SLC35F1: variants seen among roughly 807,000 people sequenced by gnomAD.
SLC35F1 encodes the protein solute carrier family 35 member F1, also known as chromosome 6 open reading frame 169.
SLC35F1 carries 14 observed loss-of-function variants against 48.7 expected under a neutral mutation model. That is an observed-to-expected ratio of 0.29 (90% CI 0.19 to 0.45). The LOEUF is 0.45. Among genes scored for constraint, SLC35F1 ranks in the 20% least tolerant of loss-of-function variants. The pLI is 1.00. For synonymous variants in SLC35F1, 190 were observed against 202.2 expected, an observed-to-expected ratio of 0.94 and a Z score of 0.51; for missense variants, 404 against 500.0, an observed-to-expected ratio of 0.81 and a Z score of 1.83.
At chr6:118,073,812 A>T (rs893967928) in intron 1 of SLC35F1, among the ~76,000 whole-genome samples, 1 of 152,202 alleles carries the variant, frequency 6.6e-6, no homozygotes, top group Non-Finnish European at 1.5e-5. Context: ...CCACCTACTG[A>T]TTTATCTAGC....
intron 1 of SLC35F1, among the ~76,000 whole-genome samples, 190 bp from the exon 2 acceptor site, chr6:118,154,255 G>T (rs1774106599): frequency 6.6e-6 from 1 of 152,120 alleles, no homozygotes; most frequent in South Asian, 2.1e-4. Context: ...CTAAGTTTTG[G>T]TTTCCTCCTC....
intron 1 of SLC35F1, among the ~76,000 whole-genome samples, chr6:118,127,654 T>C (rs1453450763): frequency 6.6e-6 from 1 of 151,778 alleles, no homozygotes; most frequent in Non-Finnish European, 1.5e-5. Context: ...TATACAAAAA[T>C]TAATTCAAGA....
intron 1 of SLC35F1, among the ~76,000 whole-genome samples, chr6:117,988,442 A>G (rs776975481): frequency 6.6e-6 from 1 of 152,228 alleles, no homozygotes; most frequent in Non-Finnish European, 1.5e-5. Flanking sequence ...ACTTTTCTTC[A>G]GAGAACACCA....
intron 1 of SLC35F1, among the ~76,000 whole-genome samples, chr6:118,010,668 G>A (rs1000758607): frequency 4.6e-5 from 7 of 152,166 alleles, no homozygotes; most frequent in African/African-American, 1.7e-4. Context: ...TTATGCTTCA[G>A]TGCTTTTATT....
chr6:118,034,720 G>A (rs938570409), intron 1 of SLC35F1, among the ~76,000 whole-genome samples: 15 of 152,128 alleles, frequency 9.9e-5, no homozygotes, highest in African/African-American at 3.6e-4. Flanking sequence ...ACCTGTGACT[G>A]TATTATAACA....
intron 1 of SLC35F1, among the ~76,000 whole-genome samples, chr6:118,047,348 G>T (rs1051143369): frequency 6.6e-6 from 1 of 152,090 alleles, no homozygotes; most frequent in Admixed American, 6.6e-5. Context: ...GGGCATTCCC[G>T]TCACAAATTT....
At chr6:117,986,239 G>A (rs1195040103) in intron 1 of SLC35F1, among the ~76,000 whole-genome samples, 1 of 152,170 alleles carries the variant, frequency 6.6e-6, no homozygotes, top group Non-Finnish European at 1.5e-5. Context: ...TGGGGCCAAT[G>A]AGCTGTGGCC....
intron 2 of SLC35F1, among the ~76,000 whole-genome samples, chr6:118,162,100 A>G (rs900801662): frequency 2.0e-5 from 3 of 152,228 alleles, no homozygotes; most frequent in Non-Finnish European, 2.9e-5. Context: ...ATTGCAAAAA[A>G]CTAAACTACC....
chr6:117,938,786 C>G (rs762040917), intron 1 of SLC35F1, among the ~76,000 whole-genome samples: 1 of 152,140 alleles, frequency 6.6e-6, no homozygotes, highest in East Asian at 1.9e-4. Flanking sequence ...GATATACGCA[C>G]ATCACAAGGT....
intron 2 of SLC35F1, 137 bp from the exon 3 acceptor site, chr6:118,235,372 G>A (rs7762823): frequency 0.53 from 479,546 of 899,726 alleles, 131,266 homozygotes; most frequent in Middle Eastern, 0.58. Context: ...TATCTGATAC[G>A]TTGATTTATT....
intron 3 of SLC35F1, among the ~76,000 whole-genome samples, chr6:118,250,745 G>A (rs1415745231): frequency 1.3e-5 from 2 of 152,068 alleles, no homozygotes; most frequent in South Asian, 2.1e-4. Context: ...AGTCCAAGGC[G>A]GGTGGATAAC....
chr6:118,026,943 A>G (rs1771961172), intron 1 of SLC35F1, among the ~76,000 whole-genome samples: 1 of 152,136 alleles, frequency 6.6e-6, no homozygotes, highest in Admixed American at 6.5e-5. Context: ...TTGTCTCTCC[A>G]AAAAGTTTTC....
At chr6:117,989,368 G>C (rs1036270998) in intron 1 of SLC35F1, among the ~76,000 whole-genome samples, 7 of 152,234 alleles carry the variant, frequency 4.6e-5, no homozygotes, top group African/African-American at 1.7e-4. Flanking sequence ...AGTGGAGGAA[G>C]TGCTTTCCAC....
Position 117,907,762 on chromosome 6 carries a change from G to C in SLC35F1, c.36G>C (p.Gln12His), listed in dbSNP as rs2114790135. ...IPPEQPQQQL[Q>H]PPSPAPPNHV... ...CTGAGCAGCCGCAGCAGCAGCTGCA[G>C]CCGCCGTCGCCAGCCCCGCCGAACC... The change falls in exon 1 of 8, where the codon CAG becomes CAC. Residue 12 changes from glutamine to histidine, a missense_variant. Coordinates refer to ENST00000360388, the MANE Select transcript of SLC35F1 (RefSeq NM_001029858.4). 6.4e-7 allele frequency: 1 copy of C among 1,559,510 alleles called. No homozygotes were observed. The highest frequency in any genetic ancestry group is 8.6e-7 in the Non-Finnish European group (1 of 1,162,264).
In SLC35F1 at chr6:118,128,753, T is replaced by C. The variant is rs567463446; in HGVS notation, c.174-25692T>C. On this transcript the variant is annotated intron_variant, in intron 1 of 7. Transcript: ENST00000360388. ...GTGCAGCACAACAGCATGGCACATGTATACATATGTAACTAACCTGCACAT... is the reference window on the plus strand; with the variant it reads ...GTGCAGCACAACAGCATGGCACATGCATACATATGTAACTAACCTGCACAT... Among the ~76,000 whole-genome samples, 320 of 151,568 alleles carry C rather than the reference T, an allele frequency of 2.1e-3. 1 individual carries two copies. Among genetic ancestry groups the C allele is most frequent in the African/African-American group, 7.3e-3 (300 of 41,340 alleles).
At chr6:118,246,604 T>G (rs1400297412) in intron 3 of SLC35F1, among the ~76,000 whole-genome samples, 1 of 152,068 alleles carries the variant, frequency 6.6e-6, no homozygotes, top group Non-Finnish European at 1.5e-5. Flanking sequence ...GCCGCTTGGT[T>G]CTCTGGTCAT....
intron 1 of SLC35F1, among the ~76,000 whole-genome samples, chr6:118,130,875 A>G (rs958408653): frequency 2.0e-5 from 3 of 152,232 alleles, no homozygotes; most frequent in African/African-American, 4.8e-5. Context: ...CCAATAAGGA[A>G]GGGAGAAATG....
At chr6:117,931,637 A>G (rs1036812657) in intron 1 of SLC35F1, among the ~76,000 whole-genome samples, 1 of 152,110 alleles carries the variant, frequency 6.6e-6, no homozygotes, top group Non-Finnish European at 1.5e-5. Flanking sequence ...CTGCAGGTAG[A>G]TCTACTTAAT....
rs1480097280 is a variant in SLC35F1 at position 118,314,979 on chromosome 6, G to A, written c.*727G>A. 6.5e-6 allele frequency: 1 copy of A among 152,746 alleles called. No individual in the cohort carries two copies. The highest frequency in any genetic ancestry group is 2.4e-5 in the African/African-American group (1 of 41,422). The allele number at this position is 152,746 out of a possible 1,614,324, so 9.5% of individuals were successfully genotyped here. A position where few individuals can be genotyped will look rare whatever the true frequency, so the allele number is the denominator to read the frequency against. ...TGTGCCACGTGATTCTGCTAATCAA[G>A]TCCCTGTAATAACAGGATAAGGACT... On this transcript the variant is annotated 3_prime_UTR_variant, in exon 8 of 8. Coordinates refer to ENST00000360388, the MANE Select transcript of SLC35F1 (RefSeq NM_001029858.4).
Sources: allele counts gnomAD v4.1 joint callset (sites outside exome capture counted in the v4.1 genomes callset), GRCh38; gene constraint gnomAD v4.1.1; transcripts MANE v1.5; gene names NCBI Gene and HGNC (gene_info 2026-07-23, HGNC 2026-07-21).